Variants in SPTY2D1 observed in about 807,000 individuals in gnomAD.
SPTY2D1 encodes protein SPT2 homolog.
Under a neutral mutation model 64.0 loss-of-function variants are expected in SPTY2D1, and 21 were observed. The ratio of observed to expected loss-of-function variants is 0.33; its 90% CI spans 0.23 to 0.47. SPTY2D1 has a LOEUF of 0.47. Ranked by LOEUF, SPTY2D1 falls within the 20% of genes least tolerant of loss-of-function variation. SPTY2D1 has a pLI of 1.00. For synonymous variants in SPTY2D1, 287 were observed against 286.8 expected (o/e 1.00, Z -0.01); for missense variants, 724 against 837.2 (o/e 0.86, Z 1.67).
At chr11:18,632,383 C>G (rs1854602580) in intron 1 of SPTY2D1, among the ~76,000 whole-genome samples, 1 of 147,528 alleles carries the variant, frequency 6.8e-6, no homozygotes, top group African/African-American at 2.5e-5. Flanking sequence ...TGAAGTTTTT[C>G]TCTTGTTGCC....
rs767638338 is a variant in SPTY2D1 at position 18,615,389 on chromosome 11, G to A, written c.885C>T (p.Ser295=). Residue 295 remains serine (S), a synonymous_variant, in exon 3 of 6, where the codon AGC becomes AGT. Coordinates refer to ENST00000336349, the MANE Select transcript of SPTY2D1 (RefSeq NM_194285.3). ...GGCCCTCACGAAGTGAGGGTTGGGA[G>A]CTATTGCCAGATCCTGCCTTGATCC... is the stretch of plus-strand genomic sequence containing the variant. ...GERIKAGSGN[S]SQPSLREGHD... 3.1e-6 allele frequency: 5 copies of A among 1,614,208 alleles called. No individual in the cohort carries two copies. In the Admixed American group the frequency reaches 8.3e-5, roughly 27 times the overall value.
intron 1 of SPTY2D1, among the ~76,000 whole-genome samples, chr11:18,625,722 G>GT (rs1854484343): frequency 7.0e-6 from 1 of 143,418 alleles, no homozygotes; most frequent in South Asian, 2.4e-4. Flanking sequence ...CACCACAACT[G>GT]GCTATTAATA....
Position 18,615,738 on chromosome 11 carries a change from T to C in SPTY2D1, c.536A>G (p.Lys179Arg), listed in dbSNP as rs1854289043. 3.7e-6 allele frequency: 6 copies of C among 1,613,832 alleles called. No homozygotes were observed. Among genetic ancestry groups the C allele is most frequent in the Non-Finnish European group, 5.1e-6 (6 of 1,179,854 alleles). ...FTDLLRLAEK[K>R]QFEPVEIKVV... Reference sequence around the variant, plus strand: ...CTTGATTTCCACTGGTTCAAACTGCTTTTTCTCAGCCAGCCTGAGTAAATC... The same window carrying C: ...CTTGATTTCCACTGGTTCAAACTGCCTTTTCTCAGCCAGCCTGAGTAAATC... Residue 179 changes from lysine (K) to arginine (R), a missense_variant, in exon 3 of 6, where the codon AAG becomes AGG. Coordinates refer to ENST00000336349, the MANE Select transcript of SPTY2D1 (RefSeq NM_194285.3).
chr11:18,626,436 AAAAAC>A (rs1442213903), intron 1 of SPTY2D1, among the ~76,000 whole-genome samples: 1 of 152,192 alleles, frequency 6.6e-6, no homozygotes, highest in East Asian at 1.9e-4. Flanking sequence ...AACAAAAAAA[AAAAAC>A]AGAGTTACTG....
intron 1 of SPTY2D1, among the ~76,000 whole-genome samples, chr11:18,633,175 G>C (rs1398783813): frequency 6.6e-6 from 1 of 151,872 alleles, no homozygotes; most frequent in African/African-American, 2.4e-5. Flanking sequence ...AGGGATAAAA[G>C]AATGAACTAG....
intron 1 of SPTY2D1, among the ~76,000 whole-genome samples, chr11:18,629,597 T>C (rs1395886195): frequency 6.6e-6 from 1 of 152,200 alleles, no homozygotes; most frequent in Non-Finnish European, 1.5e-5. Flanking sequence ...TTTTTCCTAC[T>C]GGAACCCAGG....
chr11:18,632,824 C>T (rs932550456), intron 1 of SPTY2D1, among the ~76,000 whole-genome samples: 3 of 152,190 alleles, frequency 2.0e-5, no homozygotes, highest in Non-Finnish European at 2.9e-5. Context: ...AGTTCTGATT[C>T]TTCCACAGAA....
chr11:18,610,901 T>A (rs576258178), intron 5 of SPTY2D1, among the ~76,000 whole-genome samples: 1 of 152,312 alleles, frequency 6.6e-6, no homozygotes, highest in East Asian at 1.9e-4. Context: ...CATCTAACAT[T>A]TACTGTGTAT....
At position 18,614,611 on chromosome 11, in the gene SPTY2D1, G is replaced by C; in HGVS notation, c.1663C>G (p.Gln555Glu). ...KNIISRSSNG[Q>E]MNGMKPPLSG... is the part of the protein sequence containing the mutation. ...AGGGGAGGCTTCATTCCATTCATCT[G>C]TCCATTGCTGGACCGGCTAATGATA... The change falls in exon 3 of 6, where the codon CAG becomes GAG. Residue 555 changes from glutamine to glutamate, a missense_variant. Physicochemically the swap from Gln to Glu is conservative, Grantham distance 29. Around this residue, in one of 3 missense-constraint regions of SPTY2D1, gnomAD observed 119 missense variants for 172.9 expected, o/e 0.69. Transcript: ENST00000336349. 1 of 1,614,104 alleles carries C rather than the reference G, an allele frequency of 6.2e-7. No individual in the cohort carries two copies. The highest frequency in any genetic ancestry group is 1.1e-5 in the South Asian group (1 of 91,064).
intron 1 of SPTY2D1, among the ~76,000 whole-genome samples, chr11:18,631,939 A>T (rs1272148545): frequency 6.6e-6 from 1 of 152,146 alleles, no homozygotes; most frequent in Non-Finnish European, 1.5e-5. Flanking sequence ...TTGAGGAAGG[A>T]GTTCAAGACC....
Position 18,609,611 on chromosome 11 carries a change from C to A in SPTY2D1, c.*250G>T. 1 of 489,046 alleles carries A rather than the reference C, an allele frequency of 2.0e-6. No individual in the cohort carries two copies. Among genetic ancestry groups the A allele is most frequent in the South Asian group, 2.7e-5 (1 of 37,006 alleles). The allele number at this position is 489,046 out of a possible 1,614,324, so 30.3% of individuals were successfully genotyped here. A position where few individuals can be genotyped will look rare whatever the true frequency, so the allele number is the denominator to read the frequency against. On this transcript the variant is annotated 3_prime_UTR_variant, in exon 6 of 6. Transcript: ENST00000336349. Reference sequence around the variant, plus strand: ...AGTGCATAGCTCATCAGGATCAAGGCTGGCATCTGTGAACAGTTAACTTCA... The same window carrying A: ...AGTGCATAGCTCATCAGGATCAAGGATGGCATCTGTGAACAGTTAACTTCA...
chr11:18,625,664 G>A (rs2134116713), intron 1 of SPTY2D1, among the ~76,000 whole-genome samples: 1 of 151,740 alleles, frequency 6.6e-6, no homozygotes, highest in South Asian at 2.1e-4. Context: ...GGGCTCCAGT[G>A]AGTCTCCCAC....
Position 18,615,437 on chromosome 11 carries a change from T to A in SPTY2D1, c.837A>T (p.Ser279=), listed in dbSNP as rs201040717. 7.2e-5 allele frequency: 117 copies of A among 1,614,228 alleles called. No homozygotes were observed. The East Asian group carries it at 2.5e-3, about 35-fold the overall frequency. ...TCCTCTCTCCTGGCATGGATTTGGATGAAGACAAAGCGAGGTGTTTCTCAT... is the reference window on the plus strand; with the variant it reads ...TCCTCTCTCCTGGCATGGATTTGGAAGAAGACAAAGCGAGGTGTTTCTCAT... ...MANEKHLALS[S]SKSMPGERIK... Residue 279 remains serine (S), a synonymous_variant, in exon 3 of 6, where the codon TCA becomes TCT. Coordinates refer to ENST00000336349, the MANE Select transcript of SPTY2D1 (RefSeq NM_194285.3).
rs1415121217 is a variant in SPTY2D1 at position 18,623,101 on chromosome 11, T to TA, written c.61-6113dup. Among the ~76,000 whole-genome samples, 3 of 152,222 alleles carry TA rather than the reference T, an allele frequency of 2.0e-5. No homozygotes were observed. In the East Asian group the frequency reaches 5.8e-4, roughly 29 times the overall value. On this transcript the variant is annotated intron_variant, in intron 1 of 5. Coordinates refer to ENST00000336349, the MANE Select transcript of SPTY2D1 (RefSeq NM_194285.3). The stretch of plus-strand genomic sequence containing the variant: ...TTAACATACATTTTATGAATCCTGA[T>TA]ATACTTTTTTCTTAATTCTTTTCAA...
intron 1 of SPTY2D1, among the ~76,000 whole-genome samples, chr11:18,620,614 C>T (rs1391257074): frequency 6.6e-6 from 1 of 152,036 alleles, no homozygotes; most frequent in Admixed American, 6.6e-5. Flanking sequence ...AAGCCGGGCA[C>T]GGTGGCTGAC....
In SPTY2D1 at chr11:18,614,936, C is replaced by T; in HGVS notation, c.1338G>A (p.Gly446=). Residue 446 remains glycine (G), a synonymous_variant, in exon 3 of 6, where the codon GGG becomes GGA. Transcript: ENST00000336349. ...AACTAACTGAACCACTGATGGGTCG[C>T]CCAGGGCCACCTGAGCTGCTTGCAG... is the stretch of plus-strand genomic sequence containing the variant. ...GQPASSSGGP[G]RPISGSVSSA... 1 of 1,613,274 alleles carries T rather than the reference C, an allele frequency of 6.2e-7. No individual in the cohort carries two copies. Among genetic ancestry groups the T allele is most frequent in the South Asian group, 1.1e-5 (1 of 91,078 alleles).
Position 18,609,338 on chromosome 11 carries a change from G to C in SPTY2D1, c.*523C>G, listed in dbSNP as rs552732214. ...GTCACAGGATGACATCCATATGATA[G>C]TTATAAATTCTACTCTACATTTTCA... On this transcript the variant is annotated 3_prime_UTR_variant, in exon 6 of 6. Transcript: ENST00000336349. The C allele has an allele frequency of 6.5e-6, 1 of 153,482 alleles. No homozygotes were observed. The highest frequency in any genetic ancestry group is 2.4e-5 in the African/African-American group (1 of 41,520). 9.5% of individuals were successfully genotyped at this position (153,482 alleles called of 1,614,324 possible). A position where few individuals can be genotyped will look rare whatever the true frequency, so the allele number is the denominator to read the frequency against.
intron 1 of SPTY2D1, among the ~76,000 whole-genome samples, chr11:18,631,602 CAA>C (rs10617150): frequency 0.069 from 8,059 of 116,306 alleles, 455 homozygotes; most frequent in African/African-American, 0.19. Flanking sequence ...AAATAGATAA[CAA>C]AAAAAAAAAA....
chr11:18,625,011 A>T (rs1854473378), intron 1 of SPTY2D1, among the ~76,000 whole-genome samples: 2 of 152,224 alleles, frequency 1.3e-5, no homozygotes, highest in African/African-American at 4.8e-5. Flanking sequence ...GAAAAAAAAA[A>T]GTCAATTCCT....
Sources: allele counts gnomAD v4.1 joint callset (sites outside exome capture counted in the v4.1 genomes callset), GRCh38; gene constraint gnomAD v4.1.1; regional missense constraint gnomAD v4.1.1; transcripts MANE v1.5; gene names NCBI Gene and HGNC (gene_info 2026-07-23, HGNC 2026-07-21).